The following MTMR3 variants were observed in gnomAD, a reference collection of about 807,000 sequenced individuals.
MTMR3 encodes myotubularin related protein 3, also known as phosphatidylinositol-3,5-bisphosphate 3-phosphatase MTMR3.
Under a neutral mutation model 132.4 loss-of-function variants are expected in MTMR3, and 32 were observed. The ratio of observed to expected loss-of-function variants is 0.24; its 90% CI spans 0.18 to 0.32. MTMR3 has a LOEUF of 0.32. MTMR3 is among the 10% of genes least tolerant of loss of function. MTMR3 has a pLI of 1.00. For missense variants in MTMR3, 1,216 were observed against 1,489.6 expected (o/e 0.82, Z 3.02); for synonymous variants, 556 against 550.3 (o/e 1.01, Z -0.14).
At chr22:30,023,668 G>T in intron 19 of MTMR3, 2 of 670,436 alleles carry the variant, frequency 3.0e-6, no homozygotes, top group Non-Finnish European at 5.3e-6. Flanking sequence ...GGGTGGGTCA[G>T]GCTGCAGCCA....
intron 1 of MTMR3, among the ~76,000 whole-genome samples, chr22:29,926,482 C>G (rs2065519792): frequency 6.6e-6 from 1 of 152,184 alleles, no homozygotes; most frequent in Admixed American, 6.5e-5. Context: ...CACAGTGGAG[C>G]TATACCATGT....
At chr22:29,978,780 G>A (rs1262943241) in intron 4 of MTMR3, among the ~76,000 whole-genome samples, 156 bp from the exon 5 acceptor site, 3 of 152,010 alleles carry the variant, frequency 2.0e-5, no homozygotes, top group Non-Finnish European at 4.4e-5. Flanking sequence ...GAATTAGGTG[G>A]GTATAAACCC....
rs1461893724 is a variant in MTMR3, at chr22:29,911,024, T to C, written c.-138+27665T>C. Reference sequence around the variant, plus strand: ...CACTTAATTATACTAGTAAAAGGAATAGAACATGCACTGGATTTCTTGTTT... The same window carrying C: ...CACTTAATTATACTAGTAAAAGGAACAGAACATGCACTGGATTTCTTGTTT... On this transcript the variant is annotated intron_variant, in intron 1 of 19. Coordinates refer to ENST00000401950, the MANE Select transcript of MTMR3 (RefSeq NM_021090.4). Among the ~76,000 whole-genome samples, 3 of 152,310 alleles carry C rather than the reference T, an allele frequency of 2.0e-5. No individual in the cohort carries two copies. The East Asian group carries it at 5.8e-4, about 29-fold the overall frequency.
At chr22:29,895,656 G>T (rs2064878925) in intron 1 of MTMR3, among the ~76,000 whole-genome samples, 1 of 152,158 alleles carries the variant, frequency 6.6e-6, no homozygotes, top group Non-Finnish European at 1.5e-5. Flanking sequence ...GACCAGTGCT[G>T]GCTGCAGGCA....
intron 1 of MTMR3, among the ~76,000 whole-genome samples, chr22:29,943,030 T>A (rs1484205967): frequency 6.6e-6 from 1 of 152,180 alleles, no homozygotes; most frequent in Non-Finnish European, 1.5e-5. Context: ...TAATTTATGT[T>A]CAGAGATTGC....
chr22:30,021,813 TCA>T (rs2067762997), intron 17 of MTMR3: 2 of 543,082 alleles, frequency 3.7e-6, no homozygotes, highest in Non-Finnish European at 6.6e-6. Flanking sequence ...TACTCCAGAG[TCA>T]CTGCACACAA....
intron 3 of MTMR3, among the ~76,000 whole-genome samples, chr22:29,971,759 C>T (rs989447337): frequency 6.6e-6 from 1 of 151,918 alleles, no homozygotes; most frequent in Non-Finnish European, 1.5e-5. Flanking sequence ...GGGCCCAGCT[C>T]AAGCAGAGAA....
In MTMR3 at chr22:29,902,102, A is replaced by T. The variant is rs2065012164; in HGVS notation, c.-138+18743A>T. On this transcript the variant is annotated intron_variant, in intron 1 of 19. Coordinates refer to ENST00000401950, the MANE Select transcript of MTMR3 (RefSeq NM_021090.4). ...TAGAACTTTTATAACTTTATTAGAG[A>T]ACCTGAAAAAGCTGGTGATTTTCAC... Among the ~76,000 whole-genome samples, 3 of 152,162 alleles carry T rather than the reference A, an allele frequency of 2.0e-5. No individual in the cohort carries two copies. In the South Asian group the frequency reaches 6.2e-4, roughly 31 times the overall value.
intron 1 of MTMR3, among the ~76,000 whole-genome samples, chr22:29,945,016 T>C (rs2065925323): frequency 1.3e-5 from 2 of 152,184 alleles, no homozygotes; most frequent in South Asian, 4.1e-4. Flanking sequence ...AAATGAATTG[T>C]TTAAATATTA....
rs1382565979 is a variant in MTMR3 at position 29,887,801 on chromosome 22, A to G, written c.-138+4442A>G. Among the ~76,000 whole-genome samples the G allele has an allele frequency of 2.0e-5, 3 of 152,224 alleles. No individual in the cohort carries two copies. In the East Asian group the frequency reaches 5.8e-4, roughly 29 times the overall value. ...TAGCAGGTGGCAGTGTCATAGGGTA[A>G]TGAAATCAATGTACTTATTTAAAAA... On this transcript the variant is annotated intron_variant, in intron 1 of 19. Coordinates refer to ENST00000401950, the MANE Select transcript of MTMR3 (RefSeq NM_021090.4).
chr22:29,947,029 C>G (rs540760149), intron 1 of MTMR3, among the ~76,000 whole-genome samples: 5 of 152,134 alleles, frequency 3.3e-5, no homozygotes, highest in African/African-American at 1.2e-4. Flanking sequence ...AGATGTAAAT[C>G]ATTAGAAAAG....
At chr22:30,023,744 T>G in intron 19 of MTMR3, 1 of 496,504 alleles carries the variant, frequency 2.0e-6, no homozygotes, top group Non-Finnish European at 3.6e-6. Context: ...GTAGTGCTTC[T>G]TGTCTTCTGG....
intron 2 of MTMR3, among the ~76,000 whole-genome samples, chr22:29,959,644 G>A (rs1336059533): frequency 1.3e-5 from 2 of 152,138 alleles, no homozygotes; most frequent in Non-Finnish European, 2.9e-5. Flanking sequence ...CTCCCAAAGT[G>A]CTGGGATTAC....
intron 16 of MTMR3, 157 bp from the exon 17 acceptor site, chr22:30,019,323 G>A (rs933898979): frequency 1.5e-6 from 1 of 688,572 alleles, no homozygotes; most frequent in Non-Finnish European, 2.4e-6. Flanking sequence ...GAGCTTTGCT[G>A]CTCCAGCAGT....
chr22:29,970,908 A>T (rs1397008834), intron 2 of MTMR3, 68 bp from the exon 3 acceptor site: 1 of 675,852 alleles, frequency 1.5e-6, no homozygotes, highest in Non-Finnish European at 2.5e-6. Context: ...TAGGGGAAAA[A>T]CTATTGCCAA....
At chr22:29,924,850 G>A (rs889888380) in intron 1 of MTMR3, among the ~76,000 whole-genome samples, 29 of 151,380 alleles carry the variant, frequency 1.9e-4, no homozygotes, top group Admixed American at 1.8e-3. Flanking sequence ...TCTTTTTTTG[G>A]CTTGTTCATT....
Position 30,007,299 on chromosome 22 carries a change from A to G in MTMR3, c.857A>G (p.Asp286Gly). 6 of 1,614,058 alleles carry G rather than the reference A, an allele frequency of 3.7e-6. No homozygotes were observed. The highest frequency in any genetic ancestry group is 5.1e-6 in the Non-Finnish European group (6 of 1,180,006). ...NTSRDFPNGGDLSDVEFDSSL... is the reference protein window; with the variant it reads ...NTSRDFPNGGGLSDVEFDSSL... ...TCTCGAGACTTTCCCAATGGGGGAG[A>G]CCTTTCTGACGTGGAGTTCGGTAAG... The change falls in exon 10 of 20, where the codon GAC becomes GGC. Residue 286 changes from aspartate to glycine, a missense_variant. Asp to Gly is a moderately conservative substitution (Grantham distance 94). Around this residue, in one of 7 missense-constraint regions of MTMR3, gnomAD observed 47 missense variants for 46.8 expected, o/e 1.00. Coordinates refer to ENST00000401950, the MANE Select transcript of MTMR3 (RefSeq NM_021090.4).
chr22:29,987,494 A>G (rs771225706), intron 5 of MTMR3: 4 of 152,244 alleles, frequency 2.6e-5, no homozygotes, highest in South Asian at 2.1e-4. Context: ...GTAAGAGGCA[A>G]ATGGCCCACT....
chr22:29,964,127 T>TA (rs2066368691), intron 2 of MTMR3, among the ~76,000 whole-genome samples: 1 of 152,232 alleles, frequency 6.6e-6, no homozygotes, highest in East Asian at 1.9e-4. Context: ...ATCTGTATCT[T>TA]ATTTACTGAG....
Sources: allele counts gnomAD v4.1 joint callset (sites outside exome capture counted in the v4.1 genomes callset), GRCh38; gene constraint gnomAD v4.1.1; regional missense constraint gnomAD v4.1.1; transcripts MANE v1.5; gene names NCBI Gene and HGNC (gene_info 2026-07-23, HGNC 2026-07-21).